Variants in CCDC171 observed in about 807,000 individuals in gnomAD.
CCDC171 encodes the protein coiled-coil domain-containing protein 171.
In CCDC171, 177 loss-of-function variants were observed where a neutral mutation model predicts 168.2. The observed-to-expected ratio is 1.05, with a 90% confidence interval of 0.93 to 1.19. CCDC171 has a LOEUF of 1.19. Among genes scored for constraint, CCDC171 ranks in the 50% most tolerant of loss-of-function variants. The pLI, the probability that CCDC171 is intolerant of heterozygous loss-of-function variation, is 0.00. For missense variants in CCDC171, 1,991 were observed against 1,539.0 expected (o/e 1.29, Z -4.91); for synonymous variants, 687 against 540.8 (o/e 1.27, Z -3.75).
intron 7 of CCDC171, among the ~76,000 whole-genome samples, chr9:15,640,985 T>G (rs924027938): frequency 3.9e-5 from 6 of 152,106 alleles, no homozygotes; most frequent in Non-Finnish European, 8.8e-5. Flanking sequence ...AATAAAATAT[T>G]AACAGCTATT....
intron 23 of CCDC171, among the ~76,000 whole-genome samples, chr9:15,860,020 C>T (rs2061495917): frequency 6.6e-6 from 1 of 151,436 alleles, no homozygotes; most frequent in African/African-American, 2.4e-5. Context: ...TGTTAGGTTG[C>T]ATGTTTCTTA....
intron 11 of CCDC171, among the ~76,000 whole-genome samples, chr9:15,718,570 G>A (rs1224721778): frequency 6.6e-6 from 1 of 152,246 alleles, no homozygotes; most frequent in Non-Finnish European, 1.5e-5. Context: ...AGTCCTACTG[G>A]TGGTGGCCAC....
intron 18 of CCDC171, among the ~76,000 whole-genome samples, chr9:15,750,520 G>T (rs1463276497): frequency 2.0e-5 from 3 of 152,186 alleles, no homozygotes; most frequent in Non-Finnish European, 2.9e-5. Context: ...CAAAAAAAGA[G>T]AATTTTAGGC....
intron 20 of CCDC171, among the ~76,000 whole-genome samples, chr9:15,780,972 A>G (rs1378791017): frequency 6.6e-6 from 1 of 152,118 alleles, no homozygotes; most frequent in Non-Finnish European, 1.5e-5. Context: ...CTTCTGTATC[A>G]TAGAAATAGT....
intron 7 of CCDC171, among the ~76,000 whole-genome samples, chr9:15,640,705 G>T (rs900736142): frequency 2.6e-5 from 4 of 152,074 alleles, no homozygotes; most frequent in African/African-American, 9.7e-5. Context: ...TTAGAACAAG[G>T]ATGATAAATA....
At chr9:15,856,673 G>A (rs981037709) in intron 23 of CCDC171, among the ~76,000 whole-genome samples, 9 of 152,010 alleles carry the variant, frequency 5.9e-5, no homozygotes, top group African/African-American at 2.2e-4. Flanking sequence ...ACTTGGGAGT[G>A]TATATATTTC....
At chr9:15,688,304 TA>T (rs891272852) in intron 10 of CCDC171, among the ~76,000 whole-genome samples, 2 of 152,252 alleles carry the variant, frequency 1.3e-5, no homozygotes, top group African/African-American at 4.8e-5. Flanking sequence ...TAAGAACAAT[TA>T]CCACCAATTC....
At chr9:15,747,548 G>C (rs1001575193) in intron 18 of CCDC171, among the ~76,000 whole-genome samples, 15 of 152,198 alleles carry the variant, frequency 9.9e-5, no homozygotes, top group African/African-American at 3.4e-4. Context: ...AGCTTCCAGA[G>C]GAAGGATCAG....
At chr9:15,570,747 G>T (rs1050191614) in intron 2 of CCDC171, among the ~76,000 whole-genome samples, 8 of 152,268 alleles carry the variant, frequency 5.3e-5, no homozygotes, top group African/African-American at 1.9e-4. Flanking sequence ...AGAACATTCT[G>T]GCAAGACAAG....
At chr9:15,755,120 A>C (rs1191465650) in intron 18 of CCDC171, among the ~76,000 whole-genome samples, 1 of 152,144 alleles carries the variant, frequency 6.6e-6, no homozygotes, top group Non-Finnish European at 1.5e-5. Context: ...TACCTTAATC[A>C]AATAGGAATT....
At chr9:15,850,853 C>A (rs1017952798) in intron 23 of CCDC171, among the ~76,000 whole-genome samples, 5 of 151,926 alleles carry the variant, frequency 3.3e-5, no homozygotes, top group African/African-American at 1.2e-4. Context: ...GGTCCAGGCT[C>A]TTTCATGGGA....
intron 1 of CCDC171, 47 bp from the exon 2 acceptor site, chr9:15,563,931 T>C (rs562106581): frequency 5.0e-6 from 3 of 597,818 alleles, no homozygotes; most frequent in South Asian, 4.2e-5. Flanking sequence ...AAATCTCCAA[T>C]AGTATCAGGA....
chr9:15,729,757 C>T lies in CCDC171; in HGVS notation c.2008C>T (p.Gln670Ter). 1.9e-6 allele frequency: 3 copies of T among 1,612,916 alleles called. No individual in the cohort carries two copies. The highest frequency in any genetic ancestry group is 8.5e-7 in the Non-Finnish European group (1 of 1,179,184). ...CAGACAAAAGAAGGAACTAGAGCTG[C>T]AGTATTCTGAACTCTTCCTGGAGGT... is the stretch of plus-strand genomic sequence containing the variant. ...WHRQKKELEL[Q>*]YSELFLEVQK... The change falls in exon 16 of 26, where the codon CAG becomes TAG. Residue 670 changes from glutamine to a stop codon, truncating the protein, a stop_gained. Transcript: ENST00000380701. LOFTEE classifies it high-confidence loss of function.
intron 3 of CCDC171, among the ~76,000 whole-genome samples, chr9:15,981,415 C>G (rs1831792645): frequency 6.6e-6 from 1 of 152,176 alleles, no homozygotes; most frequent in South Asian, 2.1e-4. Flanking sequence ...TTGGACTTCC[C>G]AGCCTCCTGA....
At chr9:15,902,729 C>G (rs1019806113) in intron 24 of CCDC171, among the ~76,000 whole-genome samples, 1 of 152,168 alleles carries the variant, frequency 6.6e-6, no homozygotes, top group Non-Finnish European at 1.5e-5. Flanking sequence ...TGAAGCAGGG[C>G]AAGGCATCAC....
intron 21 of CCDC171, among the ~76,000 whole-genome samples, chr9:15,785,154 C>G (rs1283355179): frequency 6.6e-6 from 1 of 151,918 alleles, no homozygotes; most frequent in Non-Finnish European, 1.5e-5. Context: ...GAGTTGTTCT[C>G]TCTGTCATAT....
At chr9:16,099,747 G>A in the CCDC171 span, among the ~76,000 whole-genome samples, 1 of 152,136 alleles carries the variant, frequency 6.6e-6, no homozygotes, top group South Asian at 2.1e-4. Flanking sequence ...GAAAGAGATC[G>A]CACAACAAAG....
At chr9:15,696,672 A>G (rs1481871027) in intron 11 of CCDC171, among the ~76,000 whole-genome samples, 1 of 152,182 alleles carries the variant, frequency 6.6e-6, no homozygotes, top group African/African-American at 2.4e-5. Flanking sequence ...ATTATTTTAA[A>G]TATTTCTTCA....
At chr9:15,861,248 G>T (rs1418554079) in intron 23 of CCDC171, among the ~76,000 whole-genome samples, 1 of 149,558 alleles carries the variant, frequency 6.7e-6, no homozygotes, top group East Asian at 2.0e-4. Flanking sequence ...CAGCCACTCT[G>T]TGTCTCTTTA....
Sources: allele counts gnomAD v4.1 joint callset (sites outside exome capture counted in the v4.1 genomes callset), GRCh38; gene constraint gnomAD v4.1.1; transcripts MANE v1.5; gene names NCBI Gene and HGNC (gene_info 2026-07-23, HGNC 2026-07-21).